GNB5: variants seen among roughly 807,000 people sequenced by gnomAD.
GNB5 encodes guanine nucleotide-binding protein subunit beta-5.
In GNB5, 37 loss-of-function variants were observed where a neutral mutation model predicts 55.3. The observed-to-expected ratio is 0.67, with a 90% CI of 0.51 to 0.88. The LOEUF (loss-of-function observed/expected upper bound fraction) is 0.88, where lower values mean the gene tolerates loss of function less well. GNB5 is among the 40% of genes least tolerant of loss of function. The pLI, the probability that GNB5 is intolerant of heterozygous loss-of-function variation, is 0.00. For synonymous variants in GNB5, 219 were observed against 198.5 expected (o/e 1.10, Z -0.87); for missense variants, 476 against 515.3 (o/e 0.92, Z 0.74).
At chr15:52,147,627 C>T (rs1411495313) in intron 5 of GNB5, 92 bp from the exon 6 acceptor site, 3 of 622,682 alleles carry the variant, frequency 4.8e-6, no homozygotes, top group Admixed American at 3.2e-5. Flanking sequence ...CACTCTGTTG[C>T]CCAGGCTGGA....
intron 2 of GNB5, among the ~76,000 whole-genome samples, chr15:52,181,618 C>A (rs57114114): frequency 0.051 from 7,665 of 150,516 alleles, 668 homozygotes; most frequent in African/African-American, 0.18. Flanking sequence ...TCAAAAAAAA[C>A]AAAAACAAAA....
intron 3 of GNB5, among the ~76,000 whole-genome samples, chr15:52,172,629 A>G (rs748269136): frequency 6.6e-6 from 1 of 151,974 alleles, no homozygotes; most frequent in African/African-American, 2.4e-5. Context: ...AAAAATGCAA[A>G]AATTAGCCAG....
At chr15:52,176,533 C>G (rs1022485496) in intron 3 of GNB5, among the ~76,000 whole-genome samples, 3 of 152,174 alleles carry the variant, frequency 2.0e-5, no homozygotes, top group Non-Finnish European at 4.4e-5. Flanking sequence ...CTGGGCGAGT[C>G]TGGGCTGGGG....
chr15:52,138,412 T>C (rs1282981880), intron 7 of GNB5: 1 of 152,892 alleles, frequency 6.5e-6, no homozygotes, highest in Non-Finnish European at 1.5e-5. Flanking sequence ...CTCATTTTTT[T>C]TTCTTTTTTT....
At chr15:52,168,712 T>G (rs925178069) in intron 3 of GNB5, among the ~76,000 whole-genome samples, 1 of 152,054 alleles carries the variant, frequency 6.6e-6, no homozygotes, top group Admixed American at 6.6e-5. Context: ...CTACCCAACT[T>G]CAAAATATAC....
At chr15:52,184,078 T>C (rs1944131704) in intron 2 of GNB5, among the ~76,000 whole-genome samples, 1 of 152,228 alleles carries the variant, frequency 6.6e-6, no homozygotes, top group South Asian at 2.1e-4. Context: ...GCTCCTAGAC[T>C]GTTTATTTGC....
At chr15:52,182,515 A>C (rs1185617367) in intron 2 of GNB5, among the ~76,000 whole-genome samples, 1 of 152,174 alleles carries the variant, frequency 6.6e-6, no homozygotes, top group South Asian at 2.1e-4. Context: ...AGGCCATCAG[A>C]CTTTTAATGG....
rs117965502 is a variant in GNB5 at position 52,137,028 on chromosome 15, G to A, written c.628-1272C>T. ...AGACTCAAAGACTGTTCGCTTGCTGGGCTCACCAATCCAAAGCTAAAACGG... is the reference window on the plus strand; with the variant it reads ...AGACTCAAAGACTGTTCGCTTGCTGAGCTCACCAATCCAAAGCTAAAACGG... On this transcript the variant is annotated intron_variant, in intron 7 of 12. Coordinates refer to ENST00000261837, the MANE Select transcript of GNB5 (RefSeq NM_016194.4). 6.6e-3 allele frequency: 2,990 copies of A among 454,064 alleles called. 74 individuals carry two copies. Among genetic ancestry groups the A allele is most frequent in the Admixed American group, 0.038 (1,596 of 42,180 alleles). The allele number at this position is 454,064 out of a possible 1,614,324, so 28.1% of individuals were successfully genotyped here. A position where few individuals can be genotyped will look rare whatever the true frequency, so the allele number is the denominator to read the frequency against.
At chr15:52,183,334 G>GGC (rs928890962) in intron 2 of GNB5, among the ~76,000 whole-genome samples, 20 of 12,092 alleles carry the variant, frequency 1.7e-3, no homozygotes, top group Non-Finnish European at 6.9e-3. Flanking sequence ...AATAAATAAT[G>GGC]GGGGGGGGGT....
At chr15:52,162,760 G>A (rs1026761378) in intron 3 of GNB5, 14 of 152,164 alleles carry the variant, frequency 9.2e-5, no homozygotes, top group African/African-American at 2.4e-4. Context: ...AGGCTGATCC[G>A]AGTGCAATGG....
intron 12 of GNB5, 33 bp downstream of exon 12, chr15:52,124,438 TCA>T: frequency 6.4e-7 from 1 of 1,568,846 alleles, no homozygotes; most frequent in East Asian, 2.2e-5. Context: ...CTCTCTCCTC[TCA>T]CACACAGGAA....
At chr15:52,189,939 G>A (rs1371660870) in intron 1 of GNB5, among the ~76,000 whole-genome samples, 1 of 152,156 alleles carries the variant, frequency 6.6e-6, no homozygotes, top group Non-Finnish European at 1.5e-5. Context: ...GGAGGGAGCT[G>A]AGAGTGAGTG....
At chr15:52,162,791 C>T (rs1196259963) in intron 3 of GNB5, 1 of 152,198 alleles carries the variant, frequency 6.6e-6, no homozygotes, top group Non-Finnish European at 1.5e-5. Flanking sequence ...TAATTGATTA[C>T]AACCAGTTAC....
chr15:52,117,259 T>C lies in GNB5; in HGVS notation c.*5498A>G, dbSNP rs1394584201. ...TTGTTTTTCTTTACCTCCTGGAATATGCACACAGTTTACTACAGCACACAT... is the reference window on the plus strand; with the variant it reads ...TTGTTTTTCTTTACCTCCTGGAATACGCACACAGTTTACTACAGCACACAT... On this transcript the variant is annotated 3_prime_UTR_variant, in exon 13 of 13. Transcript: ENST00000261837. The C allele has an allele frequency of 2.0e-5, 3 of 151,768 alleles. No individual in the cohort carries two copies. The highest frequency in any genetic ancestry group is 2.9e-5 in the Non-Finnish European group (2 of 67,982). 9.4% of individuals were successfully genotyped at this position (151,768 alleles called of 1,614,324 possible).
chr15:52,179,485 G>C (rs1416625856), intron 3 of GNB5, among the ~76,000 whole-genome samples: 1 of 151,482 alleles, frequency 6.6e-6, no homozygotes, highest in Non-Finnish European at 1.5e-5. Context: ...GCAGCTTCCA[G>C]GCAGGTGATG....
intron 3 of GNB5, among the ~76,000 whole-genome samples, chr15:52,161,502 T>G (rs1476945282): frequency 2.0e-5 from 3 of 152,188 alleles, no homozygotes; most frequent in Non-Finnish European, 4.4e-5. Context: ...GGTTCCACCA[T>G]GTTGCCCAGG....
At position 52,121,810 on chromosome 15, in the gene GNB5, T is replaced by C. The variant is rs1465179222; in HGVS notation, c.*947A>G. The C allele has an allele frequency of 6.6e-6, 1 of 152,114 alleles. No homozygotes were observed. The highest frequency in any genetic ancestry group is 2.4e-5 in the African/African-American group (1 of 41,412). The allele number at this position is 152,114 out of a possible 1,614,324, so 9.4% of individuals were successfully genotyped here. A position where few individuals can be genotyped will look rare whatever the true frequency, so the allele number is the denominator to read the frequency against. On this transcript the variant is annotated 3_prime_UTR_variant, in exon 13 of 13. Coordinates refer to ENST00000261837, the MANE Select transcript of GNB5 (RefSeq NM_016194.4). ...TAGTAGAGACAGGGTTTCACCGTGG[T>C]CTCGAACTCCTGACCTCGTGATCCG...
chr15:52,162,024 C>CT (rs1200298236), intron 3 of GNB5, among the ~76,000 whole-genome samples: 1 of 152,280 alleles, frequency 6.6e-6, no homozygotes, highest in East Asian at 1.9e-4. Context: ...GAAGGCACGT[C>CT]TACCCCTAAG....
At chr15:52,151,400 G>A (rs1327664603) in intron 4 of GNB5, among the ~76,000 whole-genome samples, 1 of 152,210 alleles carries the variant, frequency 6.6e-6, no homozygotes, top group Non-Finnish European at 1.5e-5. Flanking sequence ...TAAACTAAGT[G>A]TGGTCTCCTC....
Sources: allele counts gnomAD v4.1 joint callset (sites outside exome capture counted in the v4.1 genomes callset), GRCh38; gene constraint gnomAD v4.1.1; transcripts MANE v1.5; gene names NCBI Gene and HGNC (gene_info 2026-07-23, HGNC 2026-07-21).